UNC5D: variants seen among roughly 807,000 people sequenced by gnomAD.
UNC5D encodes unc-5 netrin receptor D.
UNC5D carries 39 observed loss-of-function variants against 105.4 expected under a neutral mutation model. That is an observed-to-expected ratio of 0.37 (90% CI 0.29 to 0.48). The LOEUF (loss-of-function observed/expected upper bound fraction) is 0.48. UNC5D is among the 20% of genes least tolerant of loss of function. UNC5D has a pLI of 0.98. For missense variants in UNC5D, 991 were observed against 1,202.4 expected (o/e 0.82, Z 2.60); for synonymous variants, 452 against 450.4 (o/e 1.00, Z -0.04).
chr8:35,532,303 T>C (rs1814449114), intron 1 of UNC5D, among the ~76,000 whole-genome samples: 1 of 151,494 alleles, frequency 6.6e-6, no homozygotes, highest in South Asian at 2.1e-4. Context: ...CCTTCACTTA[T>C]GAAGCTTAGT....
rs145982036 is a variant in UNC5D, at chr8:35,400,920, A to T, written c.104-148372A>T. On this transcript the variant is annotated intron_variant, in intron 1 of 16. Coordinates refer to ENST00000404895, the MANE Select transcript of UNC5D (RefSeq NM_080872.4). Reference sequence around the variant, plus strand: ...AGTGGAGGGGGCATGTATATAACTGATATATAATGCCTGTTTATTAGCACT... The same window carrying T: ...AGTGGAGGGGGCATGTATATAACTGTTATATAATGCCTGTTTATTAGCACT... Among the ~76,000 whole-genome samples, 341 of 152,254 alleles carry T rather than the reference A, an allele frequency of 2.2e-3. 1 individual carries two copies. The highest frequency in any genetic ancestry group is 7.5e-3 in the African/African-American group (311 of 41,544).
rs1340985456 is a variant in UNC5D at position 35,471,958 on chromosome 8, G to GAATC, written c.104-77334_104-77333insAATC. On this transcript the variant is annotated intron_variant, in intron 1 of 16. Transcript: ENST00000404895. ...AAACAAAATAAGCAGATATCTCAGT[G>GAATC]TTTTCTTTGTGAATCAGTACTAGAC... 3.5e-3 allele frequency among the ~76,000 whole-genome samples: 538 copies of GAATC among 152,240 alleles called. 4 individuals are homozygous for GAATC. The highest frequency in any genetic ancestry group is 0.012 in the African/African-American group (513 of 41,540).
At position 35,759,428 on chromosome 8, in the gene UNC5D, C is replaced by G. The variant is rs753521882; in HGVS notation, c.2272C>G (p.Pro758Ala). The change falls in exon 14 of 17, where the codon CCC (proline) becomes GCC (alanine). Residue 758 changes from proline to alanine, a missense_variant. Physicochemically the swap from Pro to Ala is conservative, Grantham distance 27 (BLOSUM62 -1). Around this residue, in one of 3 missense-constraint regions of UNC5D, gnomAD observed 944 missense variants for 1,131.6 expected, o/e 0.83. Transcript: ENST00000404895. Reference sequence around the variant, plus strand: ...TCTTCAGATTTCTGTCCTTGATATTCCCCCATTCCTCTGGAGAATTAAACC... The same window carrying G: ...TCTTCAGATTTCTGTCCTTGATATTGCCCCATTCCTCTGGAGAATTAAACC... ...FSLQISVLDI[P>A]PFLWRIKPFT... The G allele has an allele frequency of 6.2e-7, 1 of 1,614,044 alleles. No individual in the cohort carries two copies. The highest frequency in any genetic ancestry group is 8.5e-7 in the Non-Finnish European group (1 of 1,179,966).
intron 4 of UNC5D, among the ~76,000 whole-genome samples, chr8:35,598,551 A>T (rs898923151): frequency 1.1e-4 from 16 of 152,232 alleles, no homozygotes; most frequent in Admixed American, 1.0e-3. Context: ...TACTAGGTAT[A>T]TATACAAAGC....
intron 1 of UNC5D, among the ~76,000 whole-genome samples, chr8:35,312,074 A>G (rs949325769): frequency 1.3e-5 from 2 of 152,214 alleles, no homozygotes; most frequent in African/African-American, 4.8e-5. Flanking sequence ...AGCTAAAGTC[A>G]TGTTTCCCAA....
At chr8:35,332,338 G>C (rs1194282748) in intron 1 of UNC5D, among the ~76,000 whole-genome samples, 1 of 152,138 alleles carries the variant, frequency 6.6e-6, no homozygotes, top group Non-Finnish European at 1.5e-5. Flanking sequence ...AAAGTTCTTG[G>C]TCTAATATTC....
Position 35,726,514 on chromosome 8 carries a change from G to T in UNC5D, c.1666G>T (p.Val556Leu). ...CTTTGGCCATTTAGGGGGGCGCTTA[G>T]TAATGCCAAATACAGGTGGGTGGTA... The part of the protein sequence containing the change: ...GVFGHLGGRL[V>L]MPNTGVSLLI... Residue 556 changes from valine (V) to leucine (L), a missense_variant, in exon 10 of 17, where the codon GTA (valine) becomes TTA (leucine). Physicochemically the swap from Val to Leu is conservative, Grantham distance 32. Transcript: ENST00000404895. 1 of 1,612,660 alleles carries T rather than the reference G, an allele frequency of 6.2e-7. No homozygotes were observed. Among genetic ancestry groups the T allele is most frequent in the Non-Finnish European group, 8.5e-7 (1 of 1,179,976 alleles).
intron 1 of UNC5D, among the ~76,000 whole-genome samples, chr8:35,339,515 A>G (rs1811302157): frequency 6.6e-6 from 1 of 152,238 alleles, no homozygotes; most frequent in Non-Finnish European, 1.5e-5. Flanking sequence ...TCTCCAGGGC[A>G]TCAAAAGGTG....
chr8:35,568,697 CATAA>C (rs1817529213), intron 3 of UNC5D, among the ~76,000 whole-genome samples: 1 of 152,206 alleles, frequency 6.6e-6, no homozygotes, highest in Non-Finnish European at 1.5e-5. Flanking sequence ...CATCTCAAAA[CATAA>C]ATAAATAAGT....
chr8:35,344,233 G>A (rs1811650005), intron 1 of UNC5D, among the ~76,000 whole-genome samples: 2 of 152,032 alleles, frequency 1.3e-5, no homozygotes, highest in Non-Finnish European at 1.5e-5. Context: ...TGATTTGCCG[G>A]GTAGTAAGAT....
chr8:35,681,309 CTT>C (rs1668580013), intron 4 of UNC5D, among the ~76,000 whole-genome samples: 1 of 151,996 alleles, frequency 6.6e-6, no homozygotes, highest in Non-Finnish European at 1.5e-5. Flanking sequence ...ACTCTCAACT[CTT>C]ATATTTTGGT....
chr8:35,367,731 C>T (rs1528718), intron 1 of UNC5D, among the ~76,000 whole-genome samples: 66,320 of 151,748 alleles, frequency 0.44, 14,760 homozygotes, highest in East Asian at 0.7. Flanking sequence ...TTTATAATGA[C>T]AGTTCTTTGG....
intron 1 of UNC5D, among the ~76,000 whole-genome samples, chr8:35,429,143 G>A (rs1009379916): frequency 3.6e-4 from 54 of 152,040 alleles, no homozygotes; most frequent in Admixed American, 3.3e-3. Flanking sequence ...GCATGAAAAT[G>A]GACTATTTTT....
chr8:35,283,777 C>A (rs1806378455), intron 1 of UNC5D, among the ~76,000 whole-genome samples: 1 of 145,716 alleles, frequency 6.9e-6, no homozygotes, highest in South Asian at 2.3e-4. Context: ...ACACTCCAAC[C>A]TAGTGACAGA....
chr8:35,758,197 A>C (rs1830599502), intron 13 of UNC5D, among the ~76,000 whole-genome samples: 1 of 152,252 alleles, frequency 6.6e-6, no homozygotes, highest in African/African-American at 2.4e-5. Flanking sequence ...GTGAAGGATA[A>C]AACTTGGGTG....
chr8:35,296,676 C>T (rs527373241), intron 1 of UNC5D, among the ~76,000 whole-genome samples: 69 of 152,330 alleles, frequency 4.5e-4, no homozygotes, highest in African/African-American at 1.6e-3. Flanking sequence ...CTGCCTTGGC[C>T]TCCCAAAGTG....
intron 11 of UNC5D, among the ~76,000 whole-genome samples, chr8:35,742,832 G>T (rs536860041): frequency 2.0e-5 from 3 of 152,218 alleles, no homozygotes; most frequent in Non-Finnish European, 2.9e-5. Context: ...CTTGTGTGCA[G>T]ATGGGTGCTG....
intron 4 of UNC5D, among the ~76,000 whole-genome samples, chr8:35,609,521 A>G (rs1820539525): frequency 6.6e-6 from 1 of 152,224 alleles, no homozygotes; most frequent in African/African-American, 2.4e-5. Flanking sequence ...ACCCTTCCAC[A>G]GTCGTGGTGT....
intron 1 of UNC5D, among the ~76,000 whole-genome samples, chr8:35,401,737 C>A (rs1174181032): frequency 1.3e-5 from 2 of 152,170 alleles, no homozygotes; most frequent in East Asian, 1.9e-4. Context: ...GCACCAGGTT[C>A]ATATTCCAGA....
Sources: gnomAD v4.1 joint callset for allele counts (sites outside exome capture counted in the v4.1 genomes callset) on GRCh38, gnomAD v4.1.1 for gene constraint, gnomAD v4.1.1 regional missense constraint, MANE v1.5 for transcripts, NCBI Gene and HGNC (gene_info 2026-07-23, HGNC 2026-07-21) for gene names.